EFR3A: variants seen among roughly 807,000 people sequenced by gnomAD.
EFR3A encodes EFR3 homolog A, also known as protein EFR3 homolog A.
Under a neutral mutation model 104.4 loss-of-function variants are expected in EFR3A, and 76 were observed. The observed-to-expected ratio is 0.73, with a 90% confidence interval of 0.60 to 0.88. The LOEUF (loss-of-function observed/expected upper bound fraction) is 0.88. Among genes scored for constraint, EFR3A ranks in the 40% least tolerant of loss-of-function variants. The pLI, the probability that EFR3A is intolerant of heterozygous loss-of-function variation, is 0.00. For synonymous variants in EFR3A, 330 were observed against 330.0 expected (o/e 1.00, Z 0.00); for missense variants, 985 against 1,012.5 (o/e 0.97, Z 0.37).
At position 131,964,454 on chromosome 8, in the gene EFR3A, A is replaced by G. The variant is rs576360922; in HGVS notation, c.856-3841A>G. 1.8e-3 allele frequency among the ~76,000 whole-genome samples: 274 copies of G among 152,094 alleles called. 2 individuals carry two copies. The highest frequency in any genetic ancestry group is 6.4e-3 in the African/African-American group (266 of 41,482). On this transcript the variant is annotated intron_variant, in intron 8 of 22. Coordinates refer to ENST00000254624, the MANE Select transcript of EFR3A (RefSeq NM_015137.6). ...CAGACAAACAGAGAGCCAAATCATGAGTGAACTCCCATTCACAATTGCTTC... is the reference window on the plus strand; with the variant it reads ...CAGACAAACAGAGAGCCAAATCATGGGTGAACTCCCATTCACAATTGCTTC...
At chr8:131,953,400 G>C in intron 5 of EFR3A, among the ~76,000 whole-genome samples, 1 of 152,036 alleles carries the variant, frequency 6.6e-6, no homozygotes, top group East Asian at 1.9e-4. Context: ...AGGGCTGTTA[G>C]GGAGGAACAG....
chr8:131,937,550 A>G (rs373296664), intron 1 of EFR3A, among the ~76,000 whole-genome samples: 4 of 152,124 alleles, frequency 2.6e-5, no homozygotes, highest in African/African-American at 7.2e-5. Context: ...TGAATTCCAC[A>G]TGCTGTAGGA....
chr8:131,953,795 T>C, intron 5 of EFR3A, 23 bp from the exon 6 acceptor site: 1 of 1,496,986 alleles, frequency 6.7e-7, no homozygotes, highest in Non-Finnish European at 8.9e-7. Flanking sequence ...GCTCATTTTC[T>C]TCCTTTTTTT....
intron 22 of EFR3A, among the ~76,000 whole-genome samples, chr8:132,004,551 C>A (rs1178806370): frequency 6.6e-6 from 1 of 152,160 alleles, no homozygotes; most frequent in Non-Finnish European, 1.5e-5. Context: ...CAAAACTGGT[C>A]CCTGGTGCCA....
intron 15 of EFR3A, 35 bp from the exon 16 acceptor site, chr8:131,984,894 C>G (rs1226060290): frequency 6.3e-7 from 1 of 1,582,098 alleles, no homozygotes; most frequent in Non-Finnish European, 8.6e-7. Flanking sequence ...AGTATAAGAA[C>G]TTGATCTCTC....
intron 14 of EFR3A, 40 bp downstream of exon 14, chr8:131,979,461 T>TA (rs1431674537): frequency 5.2e-6 from 7 of 1,347,134 alleles, no homozygotes; most frequent in Non-Finnish European, 6.2e-6. Context: ...TAGTGTAAAT[T>TA]ACAGCCGTTT....
At chr8:131,949,254 C>A in intron 4 of EFR3A, among the ~76,000 whole-genome samples, 1 of 151,970 alleles carries the variant, frequency 6.6e-6, no homozygotes. Context: ...TTAATTATGT[C>A]ATGATTCTCA....
At position 131,925,167 on chromosome 8, in the gene EFR3A, C is replaced by T. The variant is rs149394613; in HGVS notation, c.11-15332C>T. Among the ~76,000 whole-genome samples, 539 of 152,232 alleles carry T rather than the reference C, an allele frequency of 3.5e-3. 3 individuals carry two copies. The highest frequency in any genetic ancestry group is 3.8e-3 in the Non-Finnish European group (257 of 67,988). On this transcript the variant is annotated intron_variant, in intron 1 of 22. Transcript: ENST00000254624. ...CAGGTTTGGTCCTTTGAAGATATCACAGACTAGTCCCTTTTTCACATGATG... is the reference window on the plus strand; with the variant it reads ...CAGGTTTGGTCCTTTGAAGATATCATAGACTAGTCCCTTTTTCACATGATG...
chr8:131,999,187 T>C (rs1289082173), intron 19 of EFR3A, among the ~76,000 whole-genome samples: 1 of 152,188 alleles, frequency 6.6e-6, no homozygotes, highest in Non-Finnish European at 1.5e-5. Flanking sequence ...TTTTTTGATA[T>C]AAAATTAAGT....
chr8:132,000,249 C>T (rs1821720708), intron 19 of EFR3A, among the ~76,000 whole-genome samples: 1 of 152,120 alleles, frequency 6.6e-6, no homozygotes, highest in South Asian at 2.1e-4. Context: ...CTGCCTCAGC[C>T]TCCTGAGTAG....
At chr8:131,948,376 A>G (rs1818537388) in intron 4 of EFR3A, among the ~76,000 whole-genome samples, 1 of 152,138 alleles carries the variant, frequency 6.6e-6, no homozygotes, top group African/African-American at 2.4e-5. Context: ...ATGAGTTGAT[A>G]TATATGATGC....
chr8:131,950,515 A>T (rs1449715442), intron 5 of EFR3A, among the ~76,000 whole-genome samples: 1 of 152,088 alleles, frequency 6.6e-6, no homozygotes, highest in Non-Finnish European at 1.5e-5. Flanking sequence ...TTTCTGCTCA[A>T]ATGACACCTT....
chr8:131,940,588 A>G lies in EFR3A; in HGVS notation c.87+13A>G, dbSNP rs374711616. The G allele has an allele frequency of 8.1e-6, 13 of 1,598,686 alleles. No homozygotes were observed. Among genetic ancestry groups the G allele is most frequent in the East Asian group, 2.3e-5 (1 of 44,160 alleles). On this transcript the variant is annotated intron_variant, in intron 2 of 22. Coordinates refer to ENST00000254624, the MANE Select transcript of EFR3A (RefSeq NM_015137.6). ...TGAAGATCCAAAAGTAATTTGATCT[A>G]CATCTACTGATCCTTCTCTTTGCTG...
chr8:131,995,841 A>T (rs1821451395), intron 18 of EFR3A, among the ~76,000 whole-genome samples: 1 of 152,132 alleles, frequency 6.6e-6, no homozygotes, highest in Admixed American at 6.5e-5. Context: ...CAAAATAACA[A>T]CAGCTGATGG....
intron 20 of EFR3A, 100 bp from the exon 21 acceptor site, chr8:132,002,503 C>T: frequency 4.5e-6 from 4 of 888,786 alleles, no homozygotes; most frequent in Non-Finnish European, 6.7e-6. Context: ...GTAAATTGCC[C>T]TTAATTTTGG....
At chr8:131,969,310 C>T (rs568004476) in intron 9 of EFR3A, among the ~76,000 whole-genome samples, 1 of 152,174 alleles carries the variant, frequency 6.6e-6, no homozygotes, top group Admixed American at 6.5e-5. Context: ...ATAGTCATCC[C>T]TCAGTATCTG....
chr8:131,984,142 G>A lies in EFR3A; in HGVS notation c.1579G>A (p.Gly527Arg). 1 of 1,597,526 alleles carries A rather than the reference G, an allele frequency of 6.3e-7. No individual in the cohort carries two copies. The highest frequency in any genetic ancestry group is 8.5e-7 in the Non-Finnish European group (1 of 1,174,136). ...GTCCTCTGTCTTTTCTCCTCAGAAT[G>A]GGCAACAGCTGTATCGGCACATATA... is the stretch of plus-strand genomic sequence containing the variant. ...RQDTSFMKKN[G>R]QQLYRHIYLG... Residue 527 changes from glycine to arginine, a missense_variant, in exon 15 of 23, where the codon GGG becomes AGG. Gly to Arg is a moderately radical substitution (Grantham distance 125, BLOSUM62 -2). Transcript: ENST00000254624.
chr8:131,987,176 G>A (rs1563693538), intron 17 of EFR3A, among the ~76,000 whole-genome samples: 1 of 151,954 alleles, frequency 6.6e-6, no homozygotes. Flanking sequence ...ACACTTAGCT[G>A]GCTAATGTGG....
At chr8:131,977,127 A>C (rs1461399779) in intron 12 of EFR3A, 35 bp downstream of exon 12, 1 of 1,467,852 alleles carries the variant, frequency 6.8e-7, no homozygotes, top group Admixed American at 1.9e-5. Context: ...GACACACTTA[A>C]CCTTAAATTA....
Sources: gnomAD v4.1 joint callset for allele counts (sites outside exome capture counted in the v4.1 genomes callset) on GRCh38, gnomAD v4.1.1 for gene constraint, MANE v1.5 for transcripts, NCBI Gene and HGNC (gene_info 2026-07-23, HGNC 2026-07-21) for gene names.